The following GCSAML variants were observed in gnomAD, a reference collection of about 807,000 sequenced individuals.
GCSAML encodes the protein germinal center-associated signaling and motility-like protein.
GCSAML carries 9 observed loss-of-function variants against 13.0 expected under a neutral mutation model. The ratio of observed to expected loss-of-function variants is 0.69; its 90% confidence interval spans 0.42 to 1.21. GCSAML has a LOEUF of 1.21. GCSAML is among the 50% of genes most tolerant of loss of function. The probability of loss-of-function intolerance (pLI) is 0.00; values close to 1 mark genes in which losing one functional copy is unlikely to be tolerated. For missense variants in GCSAML, 143 were observed against 153.4 expected (o/e 0.93, Z 0.36); for synonymous variants, 37 against 52.9 (o/e 0.70, Z 1.31).
At chr1:247,561,766 T>C (rs1164133373) in intron 2 of GCSAML, among the ~76,000 whole-genome samples, 2 of 152,188 alleles carry the variant, frequency 1.3e-5, no homozygotes, top group Non-Finnish European at 2.9e-5. Flanking sequence ...CTTAGTACTC[T>C]GAATGAAAGT....
chr1:247,575,912 C>G lies in GCSAML; in HGVS notation c.*1530C>G, dbSNP rs1208996455. Reference sequence around the variant, plus strand: ...ATATGCCAGCTTCCTAATTTGGAGACAAAAGCCTTAATTGACAATGCATTC... The same window carrying G: ...ATATGCCAGCTTCCTAATTTGGAGAGAAAAGCCTTAATTGACAATGCATTC... On this transcript the variant is annotated 3_prime_UTR_variant, in exon 5 of 5. Coordinates refer to ENST00000366488, the MANE Select transcript of GCSAML (RefSeq NM_145278.5). 2 of 152,118 alleles carry G rather than the reference C, an allele frequency of 1.3e-5. No homozygotes were observed. The highest frequency in any genetic ancestry group is 2.9e-5 in the Non-Finnish European group (2 of 68,016). The allele number at this position is 152,118 out of a possible 1,614,324, so 9.4% of individuals were successfully genotyped here. A position where few individuals can be genotyped will look rare whatever the true frequency, so the allele number is the denominator to read the frequency against.
At chr1:247,539,964 T>C (rs1667354687) in intron 2 of GCSAML, among the ~76,000 whole-genome samples, 1 of 152,062 alleles carries the variant, frequency 6.6e-6, no homozygotes, top group Non-Finnish European at 1.5e-5. Flanking sequence ...ACTTCTCCCA[T>C]TCCTCCCTCT....
chr1:247,562,692 C>T (rs541899100), intron 2 of GCSAML, among the ~76,000 whole-genome samples: 76 of 152,194 alleles, frequency 5.0e-4, no homozygotes, highest in African/African-American at 1.8e-3. Context: ...ATTTAGGAGT[C>T]TGACTGACAG....
chr1:247,547,324 T>G (rs1198939196), upstream of GCSAML, among the ~76,000 whole-genome samples: 1 of 152,192 alleles, frequency 6.6e-6, no homozygotes, highest in Non-Finnish European at 1.5e-5. Context: ...CCCTTTCACG[T>G]AGCTCCTATC....
chr1:247,534,029 CCTT>C (rs893644836), intron 2 of GCSAML, among the ~76,000 whole-genome samples: 81 of 152,286 alleles, frequency 5.3e-4, no homozygotes, highest in African/African-American at 1.8e-3. Flanking sequence ...CCCTTCCTCA[CCTT>C]CTTCAGGTCA....
At chr1:247,531,618 C>A in intron 2 of GCSAML, 1 of 1,614,152 alleles carries the variant, frequency 6.2e-7, no homozygotes, top group Non-Finnish European at 8.5e-7. Context: ...GGGCGCTCTT[C>A]ACCTCCGTGT....
intron 1 of GCSAML, among the ~76,000 whole-genome samples, chr1:247,507,450 T>C (rs1665869778): frequency 1.3e-5 from 2 of 152,242 alleles, no homozygotes; most frequent in African/African-American, 2.4e-5. Flanking sequence ...GGCATTTTCT[T>C]TGAGCTGGAA....
intron 1 of GCSAML, among the ~76,000 whole-genome samples, chr1:247,522,722 A>G (rs912460156): frequency 6.6e-6 from 1 of 152,122 alleles, no homozygotes; most frequent in African/African-American, 2.4e-5. Flanking sequence ...CAGCATGCTC[A>G]TTAAGAGTCA....
intron 2 of GCSAML, among the ~76,000 whole-genome samples, chr1:247,559,485 C>G (rs756292241): frequency 2.0e-5 from 3 of 152,022 alleles, no homozygotes; most frequent in Non-Finnish European, 4.4e-5. Flanking sequence ...CTTCATCTTC[C>G]GCAGTGTGAG....
chr1:247,551,132 T>A (rs1429594413), intron 1 of GCSAML, among the ~76,000 whole-genome samples: 1 of 152,226 alleles, frequency 6.6e-6, no homozygotes, highest in Admixed American at 6.5e-5. Flanking sequence ...CAGGTGCTAA[T>A]GTGTTCTAGG....
In GCSAML at chr1:247,566,610, CT is replaced by C. The variant is rs550579215; in HGVS notation, c.168+652del. ...AATTAAGTAAATTTATACTTAAAAA[CT>C]GACCACCATAAAACATTAATTATTT... On this transcript the variant is annotated intron_variant, in intron 4 of 4. Coordinates refer to ENST00000366488, the MANE Select transcript of GCSAML (RefSeq NM_145278.5). Among the ~76,000 whole-genome samples, 445 of 151,754 alleles carry C rather than the reference CT, an allele frequency of 2.9e-3. 2 individuals are homozygous for C. The highest frequency in any genetic ancestry group is 9.9e-3 in the African/African-American group (406 of 41,036).
At chr1:247,531,234 C>A (rs1283816294) in intron 2 of GCSAML, 1 of 326,084 alleles carries the variant, frequency 3.1e-6, no homozygotes, top group Non-Finnish European at 5.7e-6. Flanking sequence ...ATCCACGGAG[C>A]GTCCTGGAAT....
At chr1:247,550,910 T>C (rs1376565231) in intron 1 of GCSAML, among the ~76,000 whole-genome samples, 5 of 152,190 alleles carry the variant, frequency 3.3e-5, no homozygotes, top group Non-Finnish European at 7.3e-5. Context: ...ATTTTAAAAA[T>C]GGATAGGCCC....
chr1:247,553,759 C>T (rs1213177125), intron 1 of GCSAML, among the ~76,000 whole-genome samples: 2 of 152,186 alleles, frequency 1.3e-5, no homozygotes, highest in African/African-American at 4.8e-5. Flanking sequence ...CACCACTGCA[C>T]CCAGCTCTTC....
chr1:247,563,161 A>G (rs1327375061), intron 2 of GCSAML, among the ~76,000 whole-genome samples: 8 of 151,924 alleles, frequency 5.3e-5, no homozygotes, highest in African/African-American at 2.4e-5. Flanking sequence ...ACACTTATTA[A>G]TGTCTATTAC....
At chr1:247,545,168 G>A (rs1224420106), upstream of GCSAML, among the ~76,000 whole-genome samples, 1 of 152,154 alleles carries the variant, frequency 6.6e-6, no homozygotes, top group Admixed American at 6.5e-5. Context: ...GTAAGGAATT[G>A]GTTTTGGTTC....
intron 4 of GCSAML, among the ~76,000 whole-genome samples, chr1:247,569,577 G>A (rs1425322056): frequency 3.9e-5 from 6 of 152,158 alleles, no homozygotes; most frequent in African/African-American, 7.2e-5. Flanking sequence ...TGGTGGATAT[G>A]CTTTTTAATG....
intron 1 of GCSAML, among the ~76,000 whole-genome samples, chr1:247,551,606 A>G (rs1667779570): frequency 6.6e-6 from 1 of 152,222 alleles, no homozygotes; most frequent in South Asian, 2.1e-4. Flanking sequence ...CAGGGGCAAA[A>G]GGAAAACTTC....
At chr1:247,556,129 G>C (rs1341519678) in intron 1 of GCSAML, among the ~76,000 whole-genome samples, 1 of 152,148 alleles carries the variant, frequency 6.6e-6, no homozygotes, top group Non-Finnish European at 1.5e-5. Context: ...ACCTCTTCTA[G>C]AGATGCAGGA....
Sources: gnomAD v4.1 joint callset for allele counts (sites outside exome capture counted in the v4.1 genomes callset) on GRCh38, gnomAD v4.1.1 for gene constraint, MANE v1.5 for transcripts, NCBI Gene and HGNC (gene_info 2026-07-23, HGNC 2026-07-21) for gene names.